ENTPD1: variants seen among roughly 807,000 people sequenced by gnomAD.
The protein encoded by ENTPD1 is ectonucleoside triphosphate diphosphohydrolase 1.
Under a neutral mutation model 57.0 loss-of-function variants are expected in ENTPD1, and 33 were observed. The ratio of observed to expected loss-of-function variants is 0.58; its 90% CI spans 0.44 to 0.77. The LOEUF (loss-of-function observed/expected upper bound fraction) is 0.77. ENTPD1 is among the 30% of genes least tolerant of loss of function. The probability of loss-of-function intolerance (pLI) is 0.00; values close to 1 mark genes in which losing one functional copy is unlikely to be tolerated. For missense variants in ENTPD1, 501 were observed against 603.4 expected (o/e 0.83, Z 1.78); for synonymous variants, 202 against 218.8 (o/e 0.92, Z 0.68).
chr10:95,738,245 T>A (rs190392976), intron 1 of ENTPD1, among the ~76,000 whole-genome samples: 31 of 152,352 alleles, frequency 2.0e-4, no homozygotes, highest in African/African-American at 7.5e-4. Flanking sequence ...CATTAGCCCC[T>A]GGAATCTCTG....
chr10:95,865,013 G>A (rs975919975), intron 9 of ENTPD1, 152 bp downstream of exon 9: 3 of 973,718 alleles, frequency 3.1e-6, no homozygotes, highest in Non-Finnish European at 3.0e-6. Flanking sequence ...GGCATTCTGT[G>A]TCAAGCCCTC....
upstream of ENTPD1, among the ~76,000 whole-genome samples, chr10:95,706,936 C>T (rs558724002): frequency 1.8e-4 from 28 of 152,282 alleles, 1 homozygote; most frequent in South Asian, 5.2e-3. Context: ...TCCGAGCAGG[C>T]GCCGGGAGAG....
chr10:95,807,293 C>T (rs1257189421), intron 1 of ENTPD1, among the ~76,000 whole-genome samples: 4 of 152,232 alleles, frequency 2.6e-5, no homozygotes, highest in African/African-American at 7.2e-5. Flanking sequence ...AACAAGGCTC[C>T]GTGGGTGTGT....
intron 1 of ENTPD1, among the ~76,000 whole-genome samples, chr10:95,779,231 CA>C (rs2098146624): frequency 6.6e-6 from 1 of 152,222 alleles, no homozygotes; most frequent in African/African-American, 2.4e-5. Context: ...CCCATTTCTA[CA>C]TCTCCTTCCA....
chr10:95,702,632 C>T, the ENTPD1 span, among the ~76,000 whole-genome samples: 1 of 152,088 alleles, frequency 6.6e-6, no homozygotes, highest in African/African-American at 2.4e-5. Flanking sequence ...TGTTATCAAT[C>T]TGTAGATTCC....
intron 1 of ENTPD1, among the ~76,000 whole-genome samples, chr10:95,777,862 G>A (rs2098140273): frequency 6.6e-6 from 1 of 152,210 alleles, no homozygotes; most frequent in Non-Finnish European, 1.5e-5. Context: ...CTCGGCAATG[G>A]CGGATGCCCC....
chr10:95,846,703 T>C (rs1014146358), intron 6 of ENTPD1, among the ~76,000 whole-genome samples: 1 of 151,956 alleles, frequency 6.6e-6, no homozygotes, highest in African/African-American at 2.4e-5. Flanking sequence ...TTACTTTTTT[T>C]TGGGCCAGGC....
intron 7 of ENTPD1, among the ~76,000 whole-genome samples, chr10:95,859,434 T>TG: frequency 6.6e-6 from 1 of 152,378 alleles, no homozygotes; most frequent in South Asian, 2.1e-4. Context: ...ATCCCCAATC[T>TG]AACCGTGTTT....
At chr10:95,793,562 A>G (rs1426579911) in intron 1 of ENTPD1, among the ~76,000 whole-genome samples, 2 of 152,056 alleles carry the variant, frequency 1.3e-5, no homozygotes, top group Non-Finnish European at 2.9e-5. Flanking sequence ...TAGTCCCTGG[A>G]CCTGCAGCAG....
upstream of ENTPD1, among the ~76,000 whole-genome samples, chr10:95,707,595 GTTGT>G (rs914260244): frequency 3.3e-5 from 5 of 152,020 alleles, no homozygotes; most frequent in Admixed American, 3.3e-4. Flanking sequence ...CACTTTTTTT[GTTGT>G]TTGTTTGTTT....
intron 1 of ENTPD1, among the ~76,000 whole-genome samples, chr10:95,783,612 C>G (rs531043879): frequency 6.6e-6 from 1 of 152,060 alleles, no homozygotes; most frequent in African/African-American, 2.4e-5. Context: ...TAGGATAACA[C>G]CCAGGTTTTT....
intron 1 of ENTPD1, among the ~76,000 whole-genome samples, chr10:95,750,166 A>G (rs1031758430): frequency 1.3e-5 from 2 of 152,204 alleles, no homozygotes; most frequent in Non-Finnish European, 2.9e-5. Context: ...AAACATGATA[A>G]CACGAGTGGC....
the ENTPD1 span, among the ~76,000 whole-genome samples, chr10:95,700,822 C>T: frequency 1.4e-4 from 20 of 144,812 alleles, no homozygotes; most frequent in African/African-American, 5.1e-5. Context: ...GACCAAGTTT[C>T]GCTCTTGTTG....
chr10:95,862,081 G>A (rs1219519794), intron 8 of ENTPD1, among the ~76,000 whole-genome samples: 1 of 152,150 alleles, frequency 6.6e-6, no homozygotes, highest in Non-Finnish European at 1.5e-5. Context: ...ATGTTAGGCT[G>A]GGAATGCTTA....
Position 95,864,836 on chromosome 10 carries a change from G to A in ENTPD1, c.1301G>A (p.Trp434Ter). The A allele has an allele frequency of 6.2e-7, 1 of 1,613,832 alleles. No individual in the cohort carries two copies. The highest frequency in any genetic ancestry group is 8.5e-7 in the Non-Finnish European group (1 of 1,180,028). The change falls in exon 9 of 10, where the codon TGG becomes TAG. Residue 434 changes from tryptophan to a stop codon, truncating the protein, a stop_gained. Coordinates refer to ENST00000371205, the MANE Select transcript of ENTPD1 (RefSeq NM_001776.6). LOFTEE classifies it high-confidence loss of function. The stretch of plus-strand genomic sequence containing the variant: ...GGCTATCATTTCACAGCTGATTCCT[G>A]GGAGCACATCCATTTCATTGGCAAG... ...LQGYHFTADSWEHIHFIGKIQ... is the reference protein window; with the variant it reads ...LQGYHFTADS
chr10:95,728,400 T>G (rs2097985884), intron 1 of ENTPD1, among the ~76,000 whole-genome samples: 1 of 152,228 alleles, frequency 6.6e-6, no homozygotes, highest in African/African-American at 2.4e-5. Flanking sequence ...TGTAAGTTTA[T>G]GTTGTCTGTT....
At chr10:95,801,135 T>C (rs1454812428) in intron 1 of ENTPD1, among the ~76,000 whole-genome samples, 1 of 152,214 alleles carries the variant, frequency 6.6e-6, no homozygotes, top group Non-Finnish European at 1.5e-5. Flanking sequence ...CTGCCTTGGC[T>C]CCAGCTGGTC....
intron 1 of ENTPD1, among the ~76,000 whole-genome samples, chr10:95,796,705 A>C (rs2098227409): frequency 6.6e-6 from 1 of 152,158 alleles, no homozygotes; most frequent in Admixed American, 6.6e-5. Flanking sequence ...GCTTTTAAGT[A>C]GATGATGTGT....
intron 1 of ENTPD1, among the ~76,000 whole-genome samples, chr10:95,734,862 C>A (rs1051506982): frequency 1.3e-5 from 2 of 152,166 alleles, no homozygotes; most frequent in African/African-American, 4.8e-5. Flanking sequence ...TCTTTTAGTT[C>A]TCCATCTCAC....
Sources: gnomAD v4.1 joint callset for allele counts (sites outside exome capture counted in the v4.1 genomes callset) on GRCh38, gnomAD v4.1.1 for gene constraint, MANE v1.5 for transcripts, NCBI Gene and HGNC (gene_info 2026-07-23, HGNC 2026-07-21) for gene names.